Variants in KCND3 observed in about 807,000 individuals in gnomAD.
KCND3 encodes potassium voltage-gated channel subfamily D member 3, also known as A-type voltage-gated potassium channel KCND3.
In KCND3, 9 loss-of-function variants were observed where a neutral mutation model predicts 51.1. That is an observed-to-expected ratio of 0.18 (90% CI 0.11 to 0.31). The LOEUF is 0.31. KCND3 is among the 10% of genes least tolerant of loss of function. The probability of loss-of-function intolerance (pLI) is 1.00; values close to 1 mark genes in which losing one functional copy is unlikely to be tolerated. For synonymous variants in KCND3, 349 were observed against 368.0 expected (o/e 0.95, Z 0.59); for missense variants, 526 against 903.8 (o/e 0.58, Z 5.36).
At chr1:111,980,395 A>C (rs1294000137) in intron 2 of KCND3, among the ~76,000 whole-genome samples, 1 of 152,102 alleles carries the variant, frequency 6.6e-6, no homozygotes, top group East Asian at 1.9e-4. Context: ...TGACAAATGT[A>C]ATCATTTTAA....
rs941154146 is a variant in KCND3, at chr1:111,989,543, C to G, written c.-111G>C. On this transcript the variant is annotated 5_prime_UTR_variant, in exon 1 of 8. Coordinates refer to ENST00000302127, the MANE Select transcript of KCND3 (RefSeq NM_001378969.1). ...AGCCCGGGCCCCGCGCCCGGCGCCC[C>G]GCGCGCGCGAGGAAGCTGCGGCCGG... 1.8e-4 allele frequency among the ~76,000 whole-genome samples: 27 copies of G among 150,082 alleles called. No homozygotes were observed. Among genetic ancestry groups the G allele is most frequent in the Admixed American group, 1.7e-3 (25 of 15,056 alleles).
chr1:111,931,549 C>T (rs922249085), intron 2 of KCND3, among the ~76,000 whole-genome samples: 46 of 152,190 alleles, frequency 3.0e-4, no homozygotes, highest in African/African-American at 1.1e-3. Flanking sequence ...CCTAGCATAT[C>T]ATTTACAGGC....
chr1:111,968,413 T>A (rs1194348214), intron 2 of KCND3, among the ~76,000 whole-genome samples: 1 of 152,140 alleles, frequency 6.6e-6, no homozygotes, highest in East Asian at 1.9e-4. Flanking sequence ...TCTTCATCTA[T>A]CTTGTGCAAA....
intron 2 of KCND3, among the ~76,000 whole-genome samples, chr1:111,839,551 G>A (rs1011314217): frequency 6.6e-6 from 1 of 152,170 alleles, no homozygotes; most frequent in Non-Finnish European, 1.5e-5. Flanking sequence ...ACCACTAAAA[G>A]CTAACCTTTA....
intron 2 of KCND3, among the ~76,000 whole-genome samples, chr1:111,838,848 A>G (rs945798535): frequency 3.9e-5 from 6 of 152,196 alleles, no homozygotes; most frequent in African/African-American, 1.4e-4. Flanking sequence ...ACTATTGTCC[A>G]GATCACATCT....
Position 111,928,759 on chromosome 1 carries a change from C to T in KCND3, c.1106+52862G>A, listed in dbSNP as rs370031684. On this transcript the variant is annotated intron_variant, in intron 2 of 7. Coordinates refer to ENST00000302127, the MANE Select transcript of KCND3 (RefSeq NM_001378969.1). ...TCAGGGTCCTGGTCCCAGGACCTTG[C>T]CACATAGATCTCACGCACTCCCTAC... Among the ~76,000 whole-genome samples the T allele has an allele frequency of 2.7e-4, 41 of 152,246 alleles. No homozygotes were observed. In the South Asian group the frequency reaches 8.1e-3, roughly 30 times the overall value.
chr1:111,792,506 G>A (rs11102332), intron 2 of KCND3, among the ~76,000 whole-genome samples: 37,675 of 152,116 alleles, frequency 0.25, 5,030 homozygotes, highest in African/African-American at 0.35. Flanking sequence ...GTCAGCGGGA[G>A]CTTAGCCCCT....
At chr1:111,968,349 C>A (rs776658528) in intron 2 of KCND3, among the ~76,000 whole-genome samples, 7 of 151,188 alleles carry the variant, frequency 4.6e-5, no homozygotes, top group Non-Finnish European at 7.4e-5. Context: ...AGAAATGGGC[C>A]ACAGAAGAAG....
At position 111,856,494 on chromosome 1, in the gene KCND3, G is replaced by A. The variant is rs567023743; in HGVS notation, c.1107-69388C>T. ...GAATCTAGAATGGCAGCTGGTGGTC[G>A]CCTGGTAGCCTCGGCCTCCCCTCCA... On this transcript the variant is annotated intron_variant, in intron 2 of 7. Coordinates refer to ENST00000302127, the MANE Select transcript of KCND3 (RefSeq NM_001378969.1). Among the ~76,000 whole-genome samples the A allele has an allele frequency of 7.0e-4, 106 of 152,292 alleles. 1 individual carries two copies. Among genetic ancestry groups the A allele is most frequent in the African/African-American group, 2.3e-3 (96 of 41,564 alleles).
chr1:111,833,926 G>A (rs1310683957), intron 2 of KCND3, among the ~76,000 whole-genome samples: 2 of 152,210 alleles, frequency 1.3e-5, no homozygotes, highest in African/African-American at 2.4e-5. Flanking sequence ...TCAGGAGGGA[G>A]AAGGACTGTC....
At chr1:111,856,792 AG>A (rs958870341) in intron 2 of KCND3, 24 of 152,440 alleles carry the variant, frequency 1.6e-4, no homozygotes, top group African/African-American at 5.1e-4. Context: ...TGGAGGAGGG[AG>A]GGGGACCCAG....
At chr1:111,924,263 C>T (rs1038503658) in intron 2 of KCND3, among the ~76,000 whole-genome samples, 8 of 152,200 alleles carry the variant, frequency 5.3e-5, no homozygotes, top group South Asian at 2.1e-4. Context: ...TATGGACACA[C>T]GAACAAATAA....
At chr1:111,876,512 C>A (rs1188874481) in intron 2 of KCND3, among the ~76,000 whole-genome samples, 1 of 152,230 alleles carries the variant, frequency 6.6e-6, no homozygotes, top group African/African-American at 2.4e-5. Flanking sequence ...TGCTTCCAGG[C>A]TGCCTACCCT....
chr1:111,972,596 G>C (rs1459529835), intron 2 of KCND3, among the ~76,000 whole-genome samples: 1 of 152,146 alleles, frequency 6.6e-6, no homozygotes, highest in Non-Finnish European at 1.5e-5. Context: ...ACCATTGTTG[G>C]TCTAGCTAAA....
intron 2 of KCND3, among the ~76,000 whole-genome samples, chr1:111,811,948 C>T (rs1035430563): frequency 1.3e-5 from 2 of 152,172 alleles, no homozygotes; most frequent in Non-Finnish European, 2.9e-5. Flanking sequence ...AGGGACAGCG[C>T]AGAGTGGTGA....
At chr1:111,954,774 G>A (rs547320936) in intron 2 of KCND3, among the ~76,000 whole-genome samples, 6 of 152,324 alleles carry the variant, frequency 3.9e-5, no homozygotes, top group African/African-American at 7.2e-5. Flanking sequence ...TCAGAATTCC[G>A]TCTTTCTCCT....
At chr1:111,905,043 A>G (rs753237547) in intron 2 of KCND3, among the ~76,000 whole-genome samples, 31 of 152,020 alleles carry the variant, frequency 2.0e-4, no homozygotes, top group Non-Finnish European at 4.3e-4. Context: ...TCTTCCCCGT[A>G]CCTCCCCAGA....
At chr1:111,857,302 G>A (rs961018457) in intron 2 of KCND3, among the ~76,000 whole-genome samples, 5 of 152,194 alleles carry the variant, frequency 3.3e-5, no homozygotes, top group Non-Finnish European at 5.9e-5. Context: ...GTCACAGCGC[G>A]TGCTGAGGAG....
intron 2 of KCND3, among the ~76,000 whole-genome samples, chr1:111,865,477 G>C (rs906859326): frequency 2.0e-5 from 3 of 152,188 alleles, no homozygotes; most frequent in African/African-American, 7.2e-5. Context: ...TCTTGTCAGG[G>C]ACATGTCCCA....
Sources: allele counts gnomAD v4.1 joint callset (sites outside exome capture counted in the v4.1 genomes callset), GRCh38; gene constraint gnomAD v4.1.1; transcripts MANE v1.5; gene names NCBI Gene and HGNC (gene_info 2026-07-23, HGNC 2026-07-21).